Variants in TBCE observed in about 807,000 individuals in gnomAD.
TBCE encodes the protein tubulin-specific chaperone E.
Under a neutral mutation model 77.0 loss-of-function variants are expected in TBCE, and 53 were observed. The ratio of observed to expected loss-of-function variants is 0.69; its 90% CI spans 0.55 to 0.87. The LOEUF is 0.87. Among genes scored for constraint, TBCE ranks in the 40% least tolerant of loss-of-function variants. The pLI, the probability that TBCE is intolerant of heterozygous loss-of-function variation, is 0.00. For missense variants in TBCE, 624 were observed against 622.4 expected, an observed-to-expected ratio of 1.00 and a Z score of -0.03; for synonymous variants, 235 against 241.3, an observed-to-expected ratio of 0.97 and a Z score of 0.24.
chr1:235,370,531 G>A (rs1219990952), intron 1 of TBCE, among the ~76,000 whole-genome samples: 4 of 149,590 alleles, frequency 2.7e-5, no homozygotes, highest in Non-Finnish European at 4.4e-5. Context: ...GATTACAGGC[G>A]TGAGCCACTG....
At chr1:235,381,292 C>G (rs1677620050) in intron 2 of TBCE, among the ~76,000 whole-genome samples, 1 of 152,108 alleles carries the variant, frequency 6.6e-6, no homozygotes, top group Non-Finnish European at 1.5e-5. Context: ...TTAAAAACAA[C>G]TAATGAGACT....
At chr1:235,411,601 A>G (rs190113320) in intron 3 of TBCE, among the ~76,000 whole-genome samples, 1 of 152,272 alleles carries the variant, frequency 6.6e-6, no homozygotes, top group Non-Finnish European at 1.5e-5. Flanking sequence ...AAGAAAGTAA[A>G]GGAATAATAA....
intron 11 of TBCE, among the ~76,000 whole-genome samples, chr1:235,436,966 A>AC (rs933154618): frequency 2.5e-4 from 38 of 151,946 alleles, no homozygotes; most frequent in South Asian, 8.3e-4. Context: ...TAAAAAAAAA[A>AC]AAAAATCGCA....
At chr1:235,406,618 G>A (rs1176027799) in intron 3 of TBCE, among the ~76,000 whole-genome samples, 3 of 148,646 alleles carry the variant, frequency 2.0e-5, no homozygotes, top group Non-Finnish European at 1.5e-5. Flanking sequence ...TGCAACCTCC[G>A]CCTCCCGGGT....
intron 5 of TBCE, among the ~76,000 whole-genome samples, chr1:235,423,242 C>T (rs932839507): frequency 2.6e-5 from 4 of 152,012 alleles, no homozygotes; most frequent in South Asian, 2.1e-4. Flanking sequence ...TCATGACCTG[C>T]GGAGGAGAGT....
chr1:235,389,165 G>A (rs1678216691), intron 2 of TBCE, among the ~76,000 whole-genome samples: 1 of 152,160 alleles, frequency 6.6e-6, no homozygotes. Flanking sequence ...GTTTTTTAAT[G>A]ATAGTTTAGC....
chr1:235,427,955 G>A (rs1259962071), intron 6 of TBCE, among the ~76,000 whole-genome samples: 2 of 151,964 alleles, frequency 1.3e-5, no homozygotes, highest in Admixed American at 6.6e-5. Flanking sequence ...GCTTGAACCC[G>A]GGAGGCAGAG....
intron 2 of TBCE, among the ~76,000 whole-genome samples, chr1:235,394,933 G>C (rs573019925): frequency 1.8e-4 from 27 of 152,168 alleles, no homozygotes; most frequent in African/African-American, 6.5e-4. Context: ...TTGAACTCCT[G>C]GGCTCAAGCG....
intron 3 of TBCE, among the ~76,000 whole-genome samples, chr1:235,402,065 C>CTT (rs55848781): frequency 2.0e-4 from 27 of 134,890 alleles, no homozygotes; most frequent in African/African-American, 3.8e-4. Flanking sequence ...ATTTCTTTGT[C>CTT]TTTTTTTTTT....
At chr1:235,409,131 C>T (rs1679630521) in intron 3 of TBCE, among the ~76,000 whole-genome samples, 1 of 151,710 alleles carries the variant, frequency 6.6e-6, no homozygotes, top group Middle Eastern at 3.2e-3. Flanking sequence ...ATGTGGCAGT[C>T]CTGATGGGGA....
Position 235,370,737 on chromosome 1 carries a change from TG to T in TBCE, c.-32+3234del, listed in dbSNP as rs1323332250. ...CATATTTTTATGCTTTTTTCCTCCTTGTCTTTTCTTTTTTTTTTTTTTGAGA... is the reference window on the plus strand; with the variant it reads ...CATATTTTTATGCTTTTTTCCTCCTTTCTTTTCTTTTTTTTTTTTTTGAGA... On this transcript the variant is annotated intron_variant, in intron 1 of 16. Transcript: ENST00000642610. 6.0e-3 allele frequency among the ~76,000 whole-genome samples: 204 copies of T among 34,080 alleles called. 1 individual carries two copies. The highest frequency in any genetic ancestry group is 0.017 in the African/African-American group (196 of 11,378). The allele number at this position is 34,080 out of a possible 152,430, so 22.4% of individuals were successfully genotyped here. A position where few individuals can be genotyped will look rare whatever the true frequency, so the allele number is the denominator to read the frequency against.
At chr1:235,409,354 T>C (rs6675944) in intron 3 of TBCE, among the ~76,000 whole-genome samples, 74,036 of 151,908 alleles carry the variant, frequency 0.49, 18,361 homozygotes, top group East Asian at 0.65. Flanking sequence ...TCTTTAGACA[T>C]GGTTTGGAAT....
At chr1:235,443,089 C>A in intron 15 of TBCE, 178 bp downstream of exon 15, 1 of 663,530 alleles carries the variant, frequency 1.5e-6, no homozygotes, top group Non-Finnish European at 2.6e-6. Flanking sequence ...TCCCCCATGC[C>A]CCCAAAAGTT....
chr1:235,433,420 C>G (rs1452832414), intron 7 of TBCE: 1 of 161,040 alleles, frequency 6.2e-6, no homozygotes, highest in Non-Finnish European at 1.3e-5. Context: ...TGGGTTTTCA[C>G]CACGTTGGCC....
At position 235,448,652 on chromosome 1, in the gene TBCE, C is replaced by T. The variant is rs372967513; in HGVS notation, c.1492-18C>T. ...TCTGTCTTAATCACATCCTTCCCCACCTTCGTTCTAATTTTAGAAGCCGGG... is the reference window on the plus strand; with the variant it reads ...TCTGTCTTAATCACATCCTTCCCCATCTTCGTTCTAATTTTAGAAGCCGGG... On this transcript the variant is annotated intron_variant, in intron 16 of 16. Coordinates refer to ENST00000642610, the MANE Select transcript of TBCE (RefSeq NM_003193.5). 2.8e-5 allele frequency: 45 copies of T among 1,603,294 alleles called. No homozygotes were observed. The African/African-American group carries it at 5.5e-4, about 20-fold the overall frequency.
At chr1:235,376,529 G>A (rs1677308278) in intron 1 of TBCE, among the ~76,000 whole-genome samples, 1 of 152,136 alleles carries the variant, frequency 6.6e-6, no homozygotes, top group Non-Finnish European at 1.5e-5. Context: ...GTGGAGTTCT[G>A]CAGTCATTTT....
intron 15 of TBCE, among the ~76,000 whole-genome samples, chr1:235,447,841 CAGT>C (rs1337185924): frequency 1.3e-5 from 2 of 152,270 alleles, no homozygotes; most frequent in Middle Eastern, 3.4e-3. Flanking sequence ...CCGTTTCCCA[CAGT>C]TCCCCAAATG....
At chr1:235,410,899 G>A (rs1307077082) in intron 3 of TBCE, among the ~76,000 whole-genome samples, 1 of 152,204 alleles carries the variant, frequency 6.6e-6, no homozygotes, top group Non-Finnish European at 1.5e-5. Flanking sequence ...CTTGAGTTCC[G>A]ACAAAAGGTA....
At position 235,450,066 on chromosome 1, in the gene TBCE, T is replaced by G; in HGVS notation, c.*1304T>G. On this transcript the variant is annotated 3_prime_UTR_variant, in exon 17 of 17. Coordinates refer to ENST00000642610, the MANE Select transcript of TBCE (RefSeq NM_003193.5). ...TGTGCAAACATTAAGAAACACCGCA[T>G]TGGTTCTGGGTGAAAGTGCCAGTCT... 1 of 1,003,232 alleles carries G rather than the reference T, an allele frequency of 1.0e-6. No homozygotes were observed. The highest frequency in any genetic ancestry group is 1.6e-5 in the African/African-American group (1 of 62,312). The allele number at this position is 1,003,232 out of a possible 1,614,324, so 62.1% of individuals were successfully genotyped here.
Sources: gnomAD v4.1 joint callset for allele counts (sites outside exome capture counted in the v4.1 genomes callset) on GRCh38, gnomAD v4.1.1 for gene constraint, MANE v1.5 for transcripts, NCBI Gene and HGNC (gene_info 2026-07-23, HGNC 2026-07-21) for gene names.